ANKS1B: variants seen among roughly 807,000 people sequenced by gnomAD.
ANKS1B encodes the protein ankyrin repeat and sterile alpha motif domain-containing protein 1B.
Under a neutral mutation model 148.3 loss-of-function variants are expected in ANKS1B, and 36 were observed. The ratio of observed to expected loss-of-function variants is 0.24; its 90% CI spans 0.19 to 0.32. The LOEUF (loss-of-function observed/expected upper bound fraction) is 0.32, where lower values mean the gene tolerates loss of function less well. ANKS1B is among the 10% of genes least tolerant of loss of function. The pLI is 1.00. For missense variants in ANKS1B, 1,157 were observed against 1,542.6 expected (o/e 0.75, Z 4.19); for synonymous variants, 542 against 560.8 (o/e 0.97, Z 0.47).
chr12:99,604,189 C>T (rs764786856), intron 9 of ANKS1B, among the ~76,000 whole-genome samples: 1 of 151,998 alleles, frequency 6.6e-6, no homozygotes, highest in Non-Finnish European at 1.5e-5. Flanking sequence ...CTGTGGCATA[C>T]AACATTTTAA....
intron 17 of ANKS1B, among the ~76,000 whole-genome samples, chr12:98,991,054 G>C (rs1490759623): frequency 6.6e-6 from 1 of 152,186 alleles, no homozygotes. Flanking sequence ...GATGGATGAG[G>C]GACCTCAGGA....
At chr12:99,684,425 G>A (rs1212879503) in intron 8 of ANKS1B, among the ~76,000 whole-genome samples, 1 of 150,872 alleles carries the variant, frequency 6.6e-6, no homozygotes, top group Non-Finnish European at 1.5e-5. Context: ...AACCAAAGAG[G>A]TGAAAGATCT....
At chr12:99,428,656 AC>A (rs1322349295) in intron 11 of ANKS1B, among the ~76,000 whole-genome samples, 2 of 152,216 alleles carry the variant, frequency 1.3e-5, no homozygotes, top group South Asian at 4.1e-4. Flanking sequence ...CCACGTGCAT[AC>A]GTATATGTAC....
intron 17 of ANKS1B, among the ~76,000 whole-genome samples, chr12:99,038,449 T>G (rs780507543): frequency 1.3e-5 from 2 of 152,288 alleles, no homozygotes; most frequent in South Asian, 2.1e-4. Flanking sequence ...CACCACCATC[T>G]CTTGCCCCGA....
chr12:99,974,412 G>T (rs901611422), intron 1 of ANKS1B, among the ~76,000 whole-genome samples: 12 of 152,078 alleles, frequency 7.9e-5, no homozygotes, highest in African/African-American at 2.7e-4. Flanking sequence ...AATAACGTCT[G>T]ATATAGGCAA....
intron 17 of ANKS1B, among the ~76,000 whole-genome samples, chr12:98,987,247 G>T (rs1310249531): frequency 6.7e-6 from 1 of 149,990 alleles, no homozygotes; most frequent in Non-Finnish European, 1.5e-5. Context: ...CAATAAATAG[G>T]TCAAAATTGT....
At chr12:99,098,882 G>T (rs1404709642) in intron 15 of ANKS1B, among the ~76,000 whole-genome samples, 1 of 141,026 alleles carries the variant, frequency 7.1e-6, no homozygotes, top group African/African-American at 2.5e-5. Context: ...AATTTCTGTG[G>T]TTGCTGTTTT....
intron 17 of ANKS1B, among the ~76,000 whole-genome samples, chr12:98,968,894 T>G (rs1401644866): frequency 6.6e-6 from 1 of 152,190 alleles, no homozygotes; most frequent in Non-Finnish European, 1.5e-5. Flanking sequence ...TTTTATTTCA[T>G]GAAAGCAGTG....
chr12:99,751,630 T>C (rs2061114386), intron 8 of ANKS1B, among the ~76,000 whole-genome samples: 1 of 152,096 alleles, frequency 6.6e-6, no homozygotes, highest in African/African-American at 2.4e-5. Flanking sequence ...AAAAATTGCA[T>C]ATTGGTATTA....
chr12:99,043,292 C>T (rs1159907347), intron 17 of ANKS1B, among the ~76,000 whole-genome samples: 1 of 152,140 alleles, frequency 6.6e-6, no homozygotes, highest in Non-Finnish European at 1.5e-5. Flanking sequence ...GGGTTTTCCC[C>T]ATTTTGTTAA....
At chr12:99,232,825 T>A (rs1410444306) in intron 14 of ANKS1B, among the ~76,000 whole-genome samples, 1 of 152,076 alleles carries the variant, frequency 6.6e-6, no homozygotes, top group Non-Finnish European at 1.5e-5. Flanking sequence ...GAGCATGCAC[T>A]CTAATGAGAA....
rs1388311608 is a variant in ANKS1B at position 99,105,717 on chromosome 12, C to T, written c.2527-20694G>A. Among the ~76,000 whole-genome samples, 5 of 144,886 alleles carry T rather than the reference C, an allele frequency of 3.5e-5. No homozygotes were observed. The South Asian group carries it at 6.6e-4, about 19-fold the overall frequency. On this transcript the variant is annotated intron_variant, in intron 15 of 26. Coordinates refer to ENST00000683438, the MANE Select transcript of ANKS1B (RefSeq NM_001352186.2). ...TCGGGAGGCAGGGCTTGCAGTGAGC[C>T]GAGATCATGCCATTGCACTCCAGCC...
At chr12:99,498,358 A>T (rs1383451377) in intron 10 of ANKS1B, among the ~76,000 whole-genome samples, 1 of 152,056 alleles carries the variant, frequency 6.6e-6, no homozygotes, top group African/African-American at 2.4e-5. Context: ...CTATGCTCTA[A>T]CCATGCCAAG....
At chr12:99,681,805 T>C (rs1480460935) in intron 8 of ANKS1B, among the ~76,000 whole-genome samples, 2 of 152,110 alleles carry the variant, frequency 1.3e-5, no homozygotes, top group Non-Finnish European at 2.9e-5. Flanking sequence ...AAAGATCACA[T>C]TAGCTCATCA....
intron 1 of ANKS1B, among the ~76,000 whole-genome samples, chr12:99,847,627 C>T (rs2086908536): frequency 1.3e-5 from 2 of 152,248 alleles, no homozygotes; most frequent in African/African-American, 2.4e-5. Context: ...CCTATGTGGC[C>T]GTCCATTCTC....
At chr12:99,720,125 G>C (rs1050116593) in intron 8 of ANKS1B, among the ~76,000 whole-genome samples, 2 of 152,048 alleles carry the variant, frequency 1.3e-5, no homozygotes, top group East Asian at 3.9e-4. Flanking sequence ...TTCCATCATA[G>C]AAATCTATCC....
At chr12:98,991,178 C>T (rs914178689) in intron 17 of ANKS1B, among the ~76,000 whole-genome samples, 1 of 152,004 alleles carries the variant, frequency 6.6e-6, no homozygotes, top group Non-Finnish European at 1.5e-5. Context: ...TTATGGGAGG[C>T]ATTACACTGA....
intron 4 of ANKS1B, among the ~76,000 whole-genome samples, chr12:99,797,625 A>G (rs1177381728): frequency 6.6e-6 from 1 of 151,880 alleles, no homozygotes; most frequent in African/African-American, 2.4e-5. Flanking sequence ...TCCAGTAACC[A>G]CACATAAAGC....
At chr12:99,229,720 A>G (rs774615396) in intron 14 of ANKS1B, among the ~76,000 whole-genome samples, 7 of 150,660 alleles carry the variant, frequency 4.6e-5, no homozygotes, top group Admixed American at 1.3e-4. Context: ...CTTACAAATT[A>G]CTTCCAATTA....
Sources: gnomAD v4.1 joint callset for allele counts (sites outside exome capture counted in the v4.1 genomes callset) on GRCh38, gnomAD v4.1.1 for gene constraint, MANE v1.5 for transcripts, NCBI Gene and HGNC (gene_info 2026-07-23, HGNC 2026-07-21) for gene names.